The following ACTN2 variants were observed in gnomAD, a reference collection of about 807,000 sequenced individuals.
ACTN2 encodes the protein alpha-actinin-2.
ACTN2 carries 39 observed loss-of-function variants against 113.8 expected under a neutral mutation model. The observed-to-expected ratio is 0.34, with a 90% CI of 0.27 to 0.45. ACTN2 has a LOEUF of 0.45. ACTN2 is among the 20% of genes least tolerant of loss of function. ACTN2 has a pLI of 1.00. For missense variants in ACTN2, 992 were observed against 1,177.9 expected, an observed-to-expected ratio of 0.84 and a Z score of 2.31; for synonymous variants, 429 against 444.1, an observed-to-expected ratio of 0.97 and a Z score of 0.43.
rs114008185 is a variant in ACTN2, at chr1:236,744,741, C to G, written c.1371C>G (p.Arg457=). 22 of 1,614,144 alleles carry G rather than the reference C, an allele frequency of 1.4e-5. 2 individuals are homozygous for G. The South Asian group carries it at 2.4e-4, about 18-fold the overall frequency. ...GCGACCTGGCAGCGCACCAGGACCG[C>G]GTGGAGCAGATCGCAGCCATCGCGC... ...FESDLAAHQD[R]VEQIAAIAQE... Residue 457 remains arginine, a synonymous_variant, in exon 12 of 21, where the codon CGC becomes CGG. Transcript: ENST00000366578.
At chr1:236,704,377 T>C (rs1657764997) in intron 1 of ACTN2, among the ~76,000 whole-genome samples, 1 of 152,202 alleles carries the variant, frequency 6.6e-6, no homozygotes, top group African/African-American at 2.4e-5. Context: ...AGGCAATCTG[T>C]ACACCAGCTG....
chr1:236,695,563 T>TCCCCCCC (rs71559972), intron 1 of ACTN2, among the ~76,000 whole-genome samples: 4 of 100,796 alleles, frequency 4.0e-5, no homozygotes, highest in African/African-American at 8.2e-5. Context: ...TGAAATGAGT[T>TCCCCCCC]CCCCCCCCCT....
chr1:236,761,208 G>A (rs755737153), intron 20 of ACTN2, 35 bp downstream of exon 20: 2 of 1,612,808 alleles, frequency 1.2e-6, no homozygotes, highest in Non-Finnish European at 1.7e-6. Flanking sequence ...GCTTTAGCAG[G>A]AGTCCACTAC....
chr1:236,749,835 A>T (rs933174150), intron 14 of ACTN2, among the ~76,000 whole-genome samples: 1 of 152,182 alleles, frequency 6.6e-6, no homozygotes, highest in African/African-American at 2.4e-5. Flanking sequence ...AACTACAACT[A>T]CAACAACTGC....
At chr1:236,703,203 A>G (rs546755251) in intron 1 of ACTN2, among the ~76,000 whole-genome samples, 56 of 152,312 alleles carry the variant, frequency 3.7e-4, no homozygotes, top group Non-Finnish European at 7.4e-4. Context: ...TTTGAGAAGC[A>G]TAGCTCAGGA....
At chr1:236,726,957 G>A (rs1658568640) in intron 5 of ACTN2, among the ~76,000 whole-genome samples, 1 of 152,172 alleles carries the variant, frequency 6.6e-6, no homozygotes, top group South Asian at 2.1e-4. Context: ...CTTCAGCATT[G>A]TAGCACTGAT....
intron 5 of ACTN2, 112 bp downstream of exon 5, chr1:236,726,132 T>G (rs1658543479): frequency 2.1e-6 from 2 of 934,834 alleles, no homozygotes; most frequent in East Asian, 2.4e-5. Flanking sequence ...GCCTTTTATG[T>G]ATCGAGGAGA....
chr1:236,689,338 T>TATATACATAC (rs1439126100), intron 1 of ACTN2, among the ~76,000 whole-genome samples: 2 of 41,192 alleles, frequency 4.9e-5, no homozygotes, highest in African/African-American at 8.9e-5. Flanking sequence ...TATATATATA[T>TATATACATAC]ACACACACAT....
intron 4 of ACTN2, among the ~76,000 whole-genome samples, chr1:236,725,247 C>G (rs1418521284): frequency 6.6e-6 from 1 of 152,182 alleles, no homozygotes. Flanking sequence ...TCCACAGCCT[C>G]CTTTTCAAAT....
chr1:236,735,771 A>C, intron 8 of ACTN2, 51 bp downstream of exon 8: 1 of 1,489,166 alleles, frequency 6.7e-7, no homozygotes, highest in Non-Finnish European at 9.4e-7. Context: ...TGTTGGTTTT[A>C]GTTGTGTGTG....
chr1:236,732,654 G>T (rs1027207767), intron 7 of ACTN2, among the ~76,000 whole-genome samples: 1 of 151,950 alleles, frequency 6.6e-6, no homozygotes, highest in Admixed American at 6.6e-5. Flanking sequence ...TGTTGGCCAG[G>T]CTGGTCTCAA....
At chr1:236,746,179 AAAAAG>A (rs1659232716) in intron 12 of ACTN2, among the ~76,000 whole-genome samples, 2 of 151,262 alleles carry the variant, frequency 1.3e-5, no homozygotes, top group Non-Finnish European at 2.9e-5. Flanking sequence ...AAAAAAAAAA[AAAAAG>A]AAAGAAAAAA....
chr1:236,739,117 G>A (rs1233490633), intron 9 of ACTN2, among the ~76,000 whole-genome samples, 185 bp from the exon 10 acceptor site: 1 of 152,136 alleles, frequency 6.6e-6, no homozygotes, highest in East Asian at 1.9e-4. Flanking sequence ...TCGTTGGGGT[G>A]ATCACTCGCG....
At position 236,736,670 on chromosome 1, in the gene ACTN2, T is replaced by C. The variant is rs1658886622; in HGVS notation, c.784-452T>C. 27 of 1,509,102 alleles carry C rather than the reference T, an allele frequency of 1.8e-5. No individual in the cohort carries two copies. In the East Asian group the frequency reaches 6.4e-4, roughly 36 times the overall value. The allele number at this position is 1,509,102 out of a possible 1,614,324, so 93.5% of individuals were successfully genotyped here. A position where few individuals can be genotyped will look rare whatever the true frequency, so the allele number is the denominator to read the frequency against. On this transcript the variant is annotated intron_variant, in intron 8 of 20. Coordinates refer to ENST00000366578, the MANE Select transcript of ACTN2 (RefSeq NM_001103.4). ...TCTTCAGTGAATTCAAGTGCAATGG[T>C]ATATCTGGATTTTCCTGCCCCAGTT...
At chr1:236,720,059 C>A in intron 3 of ACTN2, 46 bp from the exon 4 acceptor site, 1 of 1,342,994 alleles carries the variant, frequency 7.4e-7, no homozygotes, top group Non-Finnish European at 1.1e-6. Context: ...AAGTTACGTA[C>A]AGACTATGTT....
intron 1 of ACTN2, among the ~76,000 whole-genome samples, chr1:236,689,992 C>T (rs75356518): frequency 0.038 from 5,783 of 152,246 alleles, 359 homozygotes; most frequent in African/African-American, 0.13. Context: ...TGTGTCGATA[C>T]GTAAAGGGTC....
At chr1:236,700,647 T>G (rs1041684453) in intron 1 of ACTN2, among the ~76,000 whole-genome samples, 2 of 152,184 alleles carry the variant, frequency 1.3e-5, no homozygotes, top group Non-Finnish European at 2.9e-5. Flanking sequence ...AGCCTGACTT[T>G]GAGACAGGAG....
intron 8 of ACTN2, among the ~76,000 whole-genome samples, chr1:236,736,125 C>T (rs1658867114): frequency 6.6e-6 from 1 of 152,188 alleles, no homozygotes; most frequent in Non-Finnish European, 1.5e-5. Context: ...GTGATTTGGT[C>T]TAACATCCTT....
At chr1:236,728,317 G>A (rs991465022) in intron 6 of ACTN2, among the ~76,000 whole-genome samples, 3 of 152,040 alleles carry the variant, frequency 2.0e-5, no homozygotes, top group Non-Finnish European at 4.4e-5. Context: ...ATAATTTTTT[G>A]TATTTTTAGT....
Sources: gnomAD v4.1 joint callset for allele counts (sites outside exome capture counted in the v4.1 genomes callset) on GRCh38, gnomAD v4.1.1 for gene constraint, MANE v1.5 for transcripts, NCBI Gene and HGNC (gene_info 2026-07-23, HGNC 2026-07-21) for gene names.